Variants in XIRP2 observed in about 807,000 individuals in gnomAD.
The protein encoded by XIRP2 is xin actin binding repeat containing 2, also known as xin actin-binding repeat-containing protein 2.
Under a neutral mutation model 277.0 loss-of-function variants are expected in XIRP2, and 236 were observed. The ratio of observed to expected loss-of-function variants is 0.85; its 90% confidence interval spans 0.77 to 0.95. The LOEUF (loss-of-function observed/expected upper bound fraction) is 0.95. Among genes scored for constraint, XIRP2 ranks in the 40% least tolerant of loss-of-function variants. The pLI is 0.00. For missense variants in XIRP2, 4,640 were observed against 4,157.5 expected, an observed-to-expected ratio of 1.12 and a Z score of -3.19; for synonymous variants, 1,490 against 1,416.5, an observed-to-expected ratio of 1.05 and a Z score of -1.17.
At chr2:167,081,719 T>G (rs1043308119) in intron 2 of XIRP2, among the ~76,000 whole-genome samples, 2 of 152,168 alleles carry the variant, frequency 1.3e-5, no homozygotes, top group African/African-American at 4.8e-5. Flanking sequence ...ACAGTTAAAC[T>G]AAAGCTATTC....
intron 3 of XIRP2, among the ~76,000 whole-genome samples, chr2:167,170,052 C>CTCTTTGTTGAGTTTCATATTAG (rs1170454601): frequency 6.6e-6 from 1 of 152,100 alleles, no homozygotes; most frequent in Non-Finnish European, 1.5e-5. Flanking sequence ...TTTGTACCTG[C>CTCTTTGTTGAGTTTCATATTAG]TCTTTGTTGA....
chr2:167,005,507 C>T (rs7419499), intron 2 of XIRP2, among the ~76,000 whole-genome samples: 1 of 151,736 alleles, frequency 6.6e-6, no homozygotes, highest in Non-Finnish European at 1.5e-5. Context: ...TTATTTAAAA[C>T]AACTGAGAAT....
At chr2:167,172,271 A>G (rs576533165) in intron 3 of XIRP2, among the ~76,000 whole-genome samples, 1 of 152,330 alleles carries the variant, frequency 6.6e-6, no homozygotes, top group East Asian at 1.9e-4. Context: ...TGGGTCACAG[A>G]GATCACATGC....
chr2:166,928,405 C>G (rs1685244245), intron 2 of XIRP2, among the ~76,000 whole-genome samples: 1 of 152,112 alleles, frequency 6.6e-6, no homozygotes, highest in Non-Finnish European at 1.5e-5. Flanking sequence ...AGGCTGTTAA[C>G]ACTTAGTATA....
intron 3 of XIRP2, among the ~76,000 whole-genome samples, chr2:167,192,998 C>A (rs1012427943): frequency 6.6e-6 from 1 of 152,136 alleles, no homozygotes; most frequent in Non-Finnish European, 1.5e-5. Context: ...AGTGCATGCC[C>A]GCTTTCAGTC....
At position 167,092,405 on chromosome 2, in the gene XIRP2, C is replaced by T. The variant is rs990565475; in HGVS notation, c.409-43504C>T. On this transcript the variant is annotated intron_variant, in intron 2 of 10. Transcript: ENST00000409195. ...TGAACTTCTATGTCTCTGGCACACCCTGATCTTCATTACACAGAGCTACAC... is the reference window on the plus strand; with the variant it reads ...TGAACTTCTATGTCTCTGGCACACCTTGATCTTCATTACACAGAGCTACAC... Among the ~76,000 whole-genome samples, 35 of 152,044 alleles carry T rather than the reference C, an allele frequency of 2.3e-4. 1 individual carries two copies. The highest frequency in any genetic ancestry group is 8.5e-4 in the African/African-American group (35 of 41,376).
At chr2:166,933,435 C>T (rs1685406117) in intron 2 of XIRP2, among the ~76,000 whole-genome samples, 1 of 152,030 alleles carries the variant, frequency 6.6e-6, no homozygotes, top group African/African-American at 2.4e-5. Context: ...AGGCATGAGC[C>T]ACTGTGCCCG....
At chr2:167,162,884 G>T (rs1350266107) in intron 3 of XIRP2, among the ~76,000 whole-genome samples, 2 of 151,986 alleles carry the variant, frequency 1.3e-5, no homozygotes, top group Admixed American at 1.3e-4. Context: ...TCTTAGTTTT[G>T]CTTATTCTAG....
intron 3 of XIRP2, among the ~76,000 whole-genome samples, chr2:167,170,100 G>A (rs1692640347): frequency 6.6e-6 from 1 of 152,106 alleles, no homozygotes; most frequent in African/African-American, 2.4e-5. Flanking sequence ...TTAATCATAA[G>A]TGAGTATTGA....
intron 3 of XIRP2, among the ~76,000 whole-genome samples, chr2:167,154,639 T>A (rs1462796165): frequency 6.6e-6 from 1 of 152,120 alleles, no homozygotes; most frequent in Non-Finnish European, 1.5e-5. Context: ...TAGCCAGTTT[T>A]CCTAGCACCT....
At chr2:166,892,440 G>T (rs937772879) in intron 1 of XIRP2, among the ~76,000 whole-genome samples, 3 of 152,014 alleles carry the variant, frequency 2.0e-5, no homozygotes, top group Non-Finnish European at 4.4e-5. Context: ...AAAGTCAATT[G>T]CTTTGTGACT....
At chr2:166,981,952 G>A (rs1380477185) in intron 2 of XIRP2, among the ~76,000 whole-genome samples, 1 of 152,092 alleles carries the variant, frequency 6.6e-6, no homozygotes, top group Non-Finnish European at 1.5e-5. Flanking sequence ...AAAGTTCAAA[G>A]TATCCATTAA....
rs138251234 is a variant in XIRP2 at position 167,092,465 on chromosome 2, G to C, written c.409-43444G>C. ...ACTGCAAACAAAATAGTTTGTAAAA[G>C]CCATCCCACCAACTAATACACTTTT... On this transcript the variant is annotated intron_variant, in intron 2 of 10. Transcript: ENST00000409195. 7.0e-3 allele frequency among the ~76,000 whole-genome samples: 1,061 copies of C among 152,006 alleles called. 15 individuals carry two copies. Among genetic ancestry groups the C allele is most frequent in the African/African-American group, 0.024 (1,002 of 41,422 alleles).
intron 2 of XIRP2, among the ~76,000 whole-genome samples, chr2:166,923,173 AAAAT>A (rs1685100115): frequency 6.6e-6 from 1 of 152,258 alleles, no homozygotes; most frequent in East Asian, 1.9e-4. Context: ...TGTATAAGCA[AAAAT>A]AAATCTGTAC....
chr2:166,969,606 T>C (rs940565755), intron 2 of XIRP2, among the ~76,000 whole-genome samples: 1 of 151,952 alleles, frequency 6.6e-6, no homozygotes, highest in Non-Finnish European at 1.5e-5. Flanking sequence ...TAAGGCTTCA[T>C]ATATGACTTT....
intron 2 of XIRP2, among the ~76,000 whole-genome samples, chr2:166,959,356 G>A (rs1686245264): frequency 6.6e-6 from 1 of 151,786 alleles, no homozygotes; most frequent in South Asian, 2.1e-4. Context: ...TGTGCATTTG[G>A]ATTGTGAGGC....
At chr2:167,160,346 A>G (rs1461420847) in intron 3 of XIRP2, among the ~76,000 whole-genome samples, 1 of 152,218 alleles carries the variant, frequency 6.6e-6, no homozygotes, top group Non-Finnish European at 1.5e-5. Context: ...GCACACAAGC[A>G]TATAGAAATA....
chr2:167,012,269 CTCATTGG>C (rs1156760741), intron 2 of XIRP2, among the ~76,000 whole-genome samples: 4 of 151,804 alleles, frequency 2.6e-5, no homozygotes, highest in Non-Finnish European at 4.4e-5. Flanking sequence ...TGTCTTTGTT[CTCATTGG>C]TTTCAAAGAA....
At chr2:167,104,050 G>C (rs1574258350) in intron 2 of XIRP2, among the ~76,000 whole-genome samples, 1 of 152,088 alleles carries the variant, frequency 6.6e-6, no homozygotes, top group South Asian at 2.1e-4. Context: ...TATTCACTCA[G>C]GTTTTGTATG....
Sources: allele counts gnomAD v4.1 joint callset (sites outside exome capture counted in the v4.1 genomes callset), GRCh38; gene constraint gnomAD v4.1.1; transcripts MANE v1.5; gene names NCBI Gene and HGNC (gene_info 2026-07-23, HGNC 2026-07-21).